The following RACGAP1 variants were observed in gnomAD, a reference collection of about 807,000 sequenced individuals.
RACGAP1 encodes Rac GTPase activating protein 1.
RACGAP1 carries 30 observed loss-of-function variants against 78.1 expected under a neutral mutation model. The observed-to-expected ratio is 0.38, with a 90% confidence interval of 0.29 to 0.52. RACGAP1 has a LOEUF of 0.52. RACGAP1 is among the 20% of genes least tolerant of loss of function. RACGAP1 has a pLI of 0.82. For synonymous variants in RACGAP1, 231 were observed against 264.8 expected (o/e 0.87, Z 1.24); for missense variants, 587 against 777.1 (o/e 0.76, Z 2.91).
chr12:50,025,067 C>T (rs1196305349), intron 1 of RACGAP1, among the ~76,000 whole-genome samples: 1 of 152,092 alleles, frequency 6.6e-6, no homozygotes, highest in Non-Finnish European at 1.5e-5. Flanking sequence ...TGGGGTGTCA[C>T]TCCAACCACT....
intron 2 of RACGAP1, among the ~76,000 whole-genome samples, chr12:50,010,122 T>C (rs1734329077): frequency 6.6e-6 from 1 of 152,198 alleles, no homozygotes; most frequent in African/African-American, 2.4e-5. Flanking sequence ...TGTTAAATTA[T>C]ACTTATTCCT....
intron 9 of RACGAP1, 67 bp from the exon 10 acceptor site, chr12:49,997,271 AC>A (rs1376543626): frequency 1.5e-6 from 2 of 1,319,064 alleles, no homozygotes; most frequent in East Asian, 3.0e-5. Context: ...TAATCAACTA[AC>A]TTTTTTTTTT....
intron 2 of RACGAP1, among the ~76,000 whole-genome samples, chr12:50,031,540 C>T (rs1196397611): frequency 6.7e-6 from 1 of 150,096 alleles, no homozygotes; most frequent in Non-Finnish European, 1.5e-5. Flanking sequence ...GCTGCTTTTG[C>T]TCGCCCTTCT....
At chr12:50,005,776 G>C (rs1029127849) in intron 3 of RACGAP1, among the ~76,000 whole-genome samples, 1 of 152,216 alleles carries the variant, frequency 6.6e-6, no homozygotes, top group Non-Finnish European at 1.5e-5. Flanking sequence ...CAAAGTAGTG[G>C]AGCAAAATGC....
chr12:50,016,957 C>G, intron 1 of RACGAP1: 1 of 1,262,460 alleles, frequency 7.9e-7, no homozygotes, highest in South Asian at 2.5e-5. Context: ...TATAACAGCC[C>G]CTCCAATCAC....
intron 2 of RACGAP1, among the ~76,000 whole-genome samples, chr12:50,011,331 C>CAAAAAAAA (rs34796842): frequency 5.6e-5 from 4 of 71,486 alleles, no homozygotes; most frequent in African/African-American, 8.9e-5. Context: ...GAGACTGTCT[C>CAAAAAAAA]AAAAAAAAAA....
chr12:49,999,310 AT>A (rs1948504962), intron 8 of RACGAP1, 39 bp from the exon 9 acceptor site: 1 of 1,571,968 alleles, frequency 6.4e-7, no homozygotes, highest in African/African-American at 1.4e-5. Flanking sequence ...TGTCTTAAGT[AT>A]TTTGCTCCTT....
chr12:49,994,219 A>G lies in RACGAP1; in HGVS notation c.1251T>C (p.Ala417=). 6.2e-7 allele frequency: 1 copy of G among 1,614,206 alleles called. No individual in the cohort carries two copies. The highest frequency in any genetic ancestry group is 1.3e-5 in the African/African-American group (1 of 75,062). Residue 417 remains alanine (A), a synonymous_variant, in exon 12 of 17, where the codon GCT becomes GCC. Coordinates refer to ENST00000312377, the MANE Select transcript of RACGAP1 (RefSeq NM_001319999.2). ...GAAAGTCTTTTAGAAGGCTACAGATAGCATGGATATCATCCACTTTGCTGA... is the reference window on the plus strand; with the variant it reads ...GAAAGTCTTTTAGAAGGCTACAGATGGCATGGATATCATCCACTTTGCTGA... The part of the protein sequence containing the change: ...PLLSKVDDIH[A]ICSLLKDFLR...
At chr12:50,014,654 C>A (rs147576569) in intron 2 of RACGAP1, among the ~76,000 whole-genome samples, 1 of 152,022 alleles carries the variant, frequency 6.6e-6, no homozygotes, top group East Asian at 1.9e-4. Context: ...CCTCTGCCTC[C>A]CCAGTGATCC....
chr12:50,015,315 T>G (rs1282285960), intron 2 of RACGAP1, among the ~76,000 whole-genome samples: 1 of 152,130 alleles, frequency 6.6e-6, no homozygotes, highest in Non-Finnish European at 1.5e-5. Context: ...CTCTCAATCC[T>G]TAATTATTTA....
At chr12:50,003,380 T>C (rs537852547) in intron 5 of RACGAP1, among the ~76,000 whole-genome samples, 2 of 152,252 alleles carry the variant, frequency 1.3e-5, no homozygotes, top group Non-Finnish European at 2.9e-5. Flanking sequence ...TTATTATATA[T>C]TCCAGACCTC....
chr12:50,029,561 G>A (rs540005522), upstream of RACGAP1, among the ~76,000 whole-genome samples: 60 of 151,982 alleles, frequency 3.9e-4, no homozygotes, highest in South Asian at 4.4e-3. Context: ...GTGACAGTGC[G>A]AGTCTCTGTC....
intron 2 of RACGAP1, among the ~76,000 whole-genome samples, chr12:50,010,661 C>T (rs918596650): frequency 3.3e-5 from 5 of 151,164 alleles, no homozygotes; most frequent in African/African-American, 4.9e-5. Flanking sequence ...GGCCAGACAC[C>T]GTGGCTCACG....
At chr12:49,993,622 G>T (rs545157146) in intron 12 of RACGAP1, among the ~76,000 whole-genome samples, 3 of 151,782 alleles carry the variant, frequency 2.0e-5, no homozygotes, top group Admixed American at 6.6e-5. Flanking sequence ...CACCGTTAAC[G>T]CCTGTAATCT....
At chr12:50,002,058 C>T (rs573454068) in intron 6 of RACGAP1, among the ~76,000 whole-genome samples, 189 bp downstream of exon 6, 3 of 144,522 alleles carry the variant, frequency 2.1e-5, no homozygotes, top group African/African-American at 7.8e-5. Context: ...AGCAAAACTC[C>T]GTCTCAAAAA....
At chr12:50,019,477 A>G (rs1286441298) in intron 1 of RACGAP1, among the ~76,000 whole-genome samples, 1 of 152,198 alleles carries the variant, frequency 6.6e-6, no homozygotes, top group Admixed American at 6.6e-5. Flanking sequence ...CTGTGATGCT[A>G]TGGTCAAAAG....
Position 49,992,040 on chromosome 12 carries a change from T to C in RACGAP1, c.1672A>G (p.Asn558Asp), listed in dbSNP as rs1947918863. The C allele has an allele frequency of 6.2e-7, 1 of 1,613,934 alleles. No individual in the cohort carries two copies. Among genetic ancestry groups the C allele is most frequent in the African/African-American group, 1.3e-5 (1 of 74,898 alleles). ...TGTGGTGTTGAAAAGGCATTTGAGT[T>C]TTCAATGACATGTAGGGGGTCAATG... ...ENIDPLHVIENSNAFSTPQTP... is the reference protein window; with the variant it reads ...ENIDPLHVIEDSNAFSTPQTP... The change falls in exon 15 of 17, where the codon AAC (asparagine) becomes GAC (aspartate). Residue 558 changes from asparagine to aspartate, a missense_variant. Transcript: ENST00000312377.
At chr12:50,003,732 TG>T (rs1948818483) in intron 5 of RACGAP1, among the ~76,000 whole-genome samples, 1 of 152,184 alleles carries the variant, frequency 6.6e-6, no homozygotes, top group South Asian at 2.1e-4. Flanking sequence ...TGTTAACCAT[TG>T]TTGATGAAAG....
intron 15 of RACGAP1, among the ~76,000 whole-genome samples, chr12:49,991,742 C>T (rs1476971265): frequency 6.6e-6 from 1 of 151,404 alleles, no homozygotes; most frequent in Non-Finnish European, 1.5e-5. Flanking sequence ...CCGCCTCAGC[C>T]TCCCTCCCAA....
Sources: gnomAD v4.1 joint callset for allele counts (sites outside exome capture counted in the v4.1 genomes callset) on GRCh38, gnomAD v4.1.1 for gene constraint, MANE v1.5 for transcripts, NCBI Gene and HGNC (gene_info 2026-07-23, HGNC 2026-07-21) for gene names.